Variants in DHRSX observed in about 807,000 individuals in gnomAD.
The protein encoded by DHRSX is dehydrogenase/reductase X-linked.
In DHRSX, 31 loss-of-function variants were observed where a neutral mutation model predicts 34.0. The ratio of observed to expected loss-of-function variants is 0.91; its 90% confidence interval spans 0.69 to 1.23. The LOEUF is 1.23. DHRSX is among the 50% of genes most tolerant of loss of function. The pLI is 0.00. For missense variants in DHRSX, 414 were observed against 428.1 expected (o/e 0.97, Z 0.29); for synonymous variants, 201 against 183.8 (o/e 1.09, Z -0.76).
chrX:2,408,917 T>A, intron 2 of DHRSX, 104 bp from the exon 3 acceptor site: 1 of 993,040 alleles, frequency 1.0e-6, no homozygotes, highest in Non-Finnish European at 1.5e-6. Flanking sequence ...AACACAAATC[T>A]GAAATGTGCC....
chrX:2,322,339 A>G (rs865909108), intron 3 of DHRSX, among the ~76,000 whole-genome samples: 2 of 152,040 alleles, frequency 1.3e-5, no homozygotes, highest in Admixed American at 6.6e-5. Flanking sequence ...ACCTAAGGTC[A>G]GGAGTTCAAG....
rs11358005 is a variant in DHRSX, at chrX:2,462,184, C to CA, written c.110-36881dup. On this transcript the variant is annotated intron_variant, in intron 1 of 6. Transcript: ENST00000334651. ...AATAAGTGGATTCCAATTAGTGCCT[C>CA]AAAAAAAAAAAAAAAGAAAAAAGTA... 3.2e-3 allele frequency among the ~76,000 whole-genome samples: 385 copies of CA among 119,248 alleles called. 2 individuals are homozygous for CA. The highest frequency in any genetic ancestry group is 0.02 in the South Asian group (75 of 3,794). The allele number at this position is 119,248 out of a possible 152,430, so 78.2% of individuals were successfully genotyped here.
At chrX:2,230,210 CAT>C (rs66524779) in intron 6 of DHRSX, among the ~76,000 whole-genome samples, 50,488 of 151,910 alleles carry the variant, frequency 0.33, 9,434 homozygotes, top group East Asian at 0.75. Flanking sequence ...TGTATTTGTA[CAT>C]GTGTGCATGT....
intron 2 of DHRSX, among the ~76,000 whole-genome samples, chrX:2,409,078 G>A (rs1350548317): frequency 6.6e-6 from 1 of 152,138 alleles, no homozygotes; most frequent in Non-Finnish European, 1.5e-5. Context: ...ACAGGGACCC[G>A]GGGCACCTGC....
intron 4 of DHRSX, among the ~76,000 whole-genome samples, chrX:2,273,708 G>A (rs780729339): frequency 6.6e-5 from 10 of 152,300 alleles, no homozygotes; most frequent in South Asian, 2.1e-4. Flanking sequence ...TACCTTCCAG[G>A]TGTAAGTCAG....
chrX:2,256,167 T>A (rs73183500), intron 5 of DHRSX, among the ~76,000 whole-genome samples: 19,755 of 137,938 alleles, frequency 0.14, 1,787 homozygotes, highest in Non-Finnish European at 0.2. Flanking sequence ...GCTAATTTTT[T>A]ATATTTTAGT....
At chrX:2,319,326 C>T (rs191385212) in intron 3 of DHRSX, among the ~76,000 whole-genome samples, 3,613 of 150,948 alleles carry the variant, frequency 0.024, 74 homozygotes, top group Non-Finnish European at 0.037. Flanking sequence ...GGGTAGATCA[C>T]GAGGTCAGGA....
At chrX:2,290,076 T>A (rs998380059) in intron 4 of DHRSX, among the ~76,000 whole-genome samples, 22 of 152,330 alleles carry the variant, frequency 1.4e-4, no homozygotes, top group African/African-American at 5.1e-4. Flanking sequence ...CAAATACATA[T>A]GCACTCACAC....
intron 3 of DHRSX, among the ~76,000 whole-genome samples, chrX:2,321,528 C>T (rs1490063378): frequency 1.3e-5 from 2 of 152,024 alleles, no homozygotes; most frequent in Non-Finnish European, 2.9e-5. Context: ...TGTTGGGATT[C>T]GTGCCCTTGT....
chrX:2,243,412 C>T (rs931608234), intron 5 of DHRSX, among the ~76,000 whole-genome samples, 182 bp from the exon 6 acceptor site: 1 of 152,186 alleles, frequency 6.6e-6, no homozygotes, highest in Non-Finnish European at 1.5e-5. Context: ...TTCTAGTTCA[C>T]CTTTTTATTA....
chrX:2,231,506 C>T (rs1467783693), intron 6 of DHRSX, among the ~76,000 whole-genome samples: 1 of 148,906 alleles, frequency 6.7e-6, no homozygotes, highest in Non-Finnish European at 1.5e-5. Context: ...TCTTCCTTCT[C>T]CTTCTCTTTC....
intron 3 of DHRSX, among the ~76,000 whole-genome samples, chrX:2,320,958 G>C (rs1256488187): frequency 6.6e-6 from 1 of 152,206 alleles, no homozygotes; most frequent in South Asian, 2.1e-4. Flanking sequence ...GCACTTCAGA[G>C]TGTTCGCAAC....
chrX:2,285,021 G>C (rs554238345), intron 4 of DHRSX, among the ~76,000 whole-genome samples: 3 of 152,154 alleles, frequency 2.0e-5, no homozygotes, highest in African/African-American at 7.2e-5. Context: ...ACTAGCAGGA[G>C]TTTTGGAGGG....
chrX:2,491,066 G>GTTTTTTT (rs900738620), intron 1 of DHRSX, among the ~76,000 whole-genome samples: 2 of 110,246 alleles, frequency 1.8e-5, no homozygotes, highest in African/African-American at 3.5e-5. Flanking sequence ...AGTGCCTTTA[G>GTTTTTTT]TTTTTTTTTT....
chrX:2,319,222 C>T lies in DHRSX; in HGVS notation c.287-27619G>A, dbSNP rs781428066. On this transcript the variant is annotated intron_variant, in intron 3 of 6. Coordinates refer to ENST00000334651, the MANE Select transcript of DHRSX (RefSeq NM_145177.3). The stretch of plus-strand genomic sequence containing the variant: ...CCCTCTTCGTCCCCCCTCCTCCCCC[C>T]CTCCCTTCTCCTCCTCCCCTCCCCC... 5.1e-5 allele frequency among the ~76,000 whole-genome samples: 7 copies of T among 136,424 alleles called. 1 individual carries two copies. Among genetic ancestry groups the T allele is most frequent in the African/African-American group, 1.9e-4 (7 of 37,782 alleles). The allele number at this position is 136,424 out of a possible 152,430, so 89.5% of individuals were successfully genotyped here.
intron 2 of DHRSX, among the ~76,000 whole-genome samples, chrX:2,415,751 C>T (rs1319855861): frequency 1.3e-5 from 2 of 151,222 alleles, no homozygotes; most frequent in African/African-American, 4.9e-5. Flanking sequence ...TCATCATAAC[C>T]TAATTAGATC....
intron 3 of DHRSX, among the ~76,000 whole-genome samples, chrX:2,400,864 T>C (rs1365450767): frequency 1.3e-5 from 2 of 152,200 alleles, no homozygotes; most frequent in African/African-American, 4.8e-5. Context: ...AAGTATTTTA[T>C]AGGTCATTGG....
intron 2 of DHRSX, among the ~76,000 whole-genome samples, chrX:2,411,239 G>A (rs1457449388): frequency 6.6e-6 from 1 of 152,032 alleles, no homozygotes; most frequent in Non-Finnish European, 1.5e-5. Flanking sequence ...TGCCGTATCA[G>A]CCATCTCAAG....
chrX:2,321,849 T>C, intron 3 of DHRSX, among the ~76,000 whole-genome samples: 1 of 152,094 alleles, frequency 6.6e-6, no homozygotes, highest in Non-Finnish European at 1.5e-5. Context: ...GCTCTCATCT[T>C]AGGCTACTCA....
Sources: gnomAD v4.1 joint callset for allele counts (sites outside exome capture counted in the v4.1 genomes callset) on GRCh38, gnomAD v4.1.1 for gene constraint, MANE v1.5 for transcripts, NCBI Gene and HGNC (gene_info 2026-07-23, HGNC 2026-07-21) for gene names.